The following ABCA12 variants were observed in gnomAD, a reference collection of about 807,000 sequenced individuals.
ABCA12 encodes glucosylceramide transporter ABCA12.
In ABCA12, 156 loss-of-function variants were observed where a neutral mutation model predicts 293.5. That is an observed-to-expected ratio of 0.53 (90% CI 0.47 to 0.61). The LOEUF is 0.61. ABCA12 is among the 20% of genes least tolerant of loss of function. ABCA12 has a pLI of 0.00. For missense variants in ABCA12, 2,797 were observed against 3,090.2 expected (o/e 0.91, Z 2.25); for synonymous variants, 1,063 against 1,108.0 (o/e 0.96, Z 0.81).
At chr2:214,947,368 T>C in intron 48 of ABCA12, 54 bp downstream of exon 48, 1 of 1,609,438 alleles carries the variant, frequency 6.2e-7, no homozygotes, top group Non-Finnish European at 8.5e-7. Context: ...ACACATGCAA[T>C]CAGATATGCT....
chr2:214,983,514 G>A (rs1318528391), intron 29 of ABCA12, 133 bp downstream of exon 29: 1 of 844,138 alleles, frequency 1.2e-6, no homozygotes, highest in Non-Finnish European at 2.0e-6. Flanking sequence ...TATTAAATAA[G>A]TAGAAAAACT....
At chr2:215,036,611 A>C (rs1258404525) in intron 8 of ABCA12, among the ~76,000 whole-genome samples, 1 of 152,202 alleles carries the variant, frequency 6.6e-6, no homozygotes, top group Admixed American at 6.5e-5. Context: ...AAAATACTGC[A>C]ATTCACTTTA....
Position 214,955,378 on chromosome 2 carries a change from C to T in ABCA12, c.6234-17G>A. 1.2e-6 allele frequency: 2 copies of T among 1,613,792 alleles called. No individual in the cohort carries two copies. The highest frequency in any genetic ancestry group is 1.1e-5 in the South Asian group (1 of 91,074). On this transcript the variant is annotated splice_polypyrimidine_tract_variant and intron_variant, in intron 42 of 52. Transcript: ENST00000272895. ...GTTGCATACCTGCAGGTTAAAAACA[C>T]AAAGAATTAAAATTACGCCTCGGCC... is the stretch of plus-strand genomic sequence containing the variant.
At chr2:215,030,438 C>CAA (rs59050296) in intron 9 of ABCA12, among the ~76,000 whole-genome samples, 27 of 113,634 alleles carry the variant, frequency 2.4e-4, no homozygotes, top group African/African-American at 5.3e-4. Flanking sequence ...ACTAACAATA[C>CAA]AAAAAAAAAA....
intron 51 of ABCA12, among the ~76,000 whole-genome samples, chr2:214,934,831 T>A (rs533120802): frequency 4.6e-5 from 7 of 152,304 alleles, no homozygotes; most frequent in Non-Finnish European, 8.8e-5. Context: ...TTACCAGATC[T>A]TATTTATTTT....
At chr2:215,124,121 A>T (rs1702869469) in intron 1 of ABCA12, among the ~76,000 whole-genome samples, 2 of 152,208 alleles carry the variant, frequency 1.3e-5, no homozygotes, top group Non-Finnish European at 2.9e-5. Flanking sequence ...ATGGCTGCGT[A>T]GTATTCCATC....
At chr2:214,991,147 T>C in intron 23 of ABCA12, 116 bp from the exon 24 acceptor site, 1 of 916,668 alleles carries the variant, frequency 1.1e-6, no homozygotes, top group African/African-American at 1.6e-5. Context: ...AACTAGGCAT[T>C]TTAATAATTT....
chr2:214,948,678 G>C lies in ABCA12; in HGVS notation c.7022C>G (p.Ala2341Gly). 2 of 1,613,992 alleles carry C rather than the reference G, an allele frequency of 1.2e-6. No individual in the cohort carries two copies. The highest frequency in any genetic ancestry group is 1.1e-5 in the South Asian group (1 of 91,074). Reference protein sequence around the residue: ...SLVGYCPQEDALDDLVTVEEH... With the variant: ...SLVGYCPQEDGLDDLVTVEEH... ...TTCCACAGTTACCAGGTCATCTAAG[G>C]CATCTTCCTGAGGACAGTAGCCAAC... The change falls in exon 47 of 53, where the codon GCC (alanine) becomes GGC (glycine). Residue 2341 changes from alanine to glycine, a missense_variant. Around this residue, in one of 3 missense-constraint regions of ABCA12, gnomAD observed 2,130 missense variants for 2,427.0 expected, o/e 0.88. Coordinates refer to ENST00000272895, the MANE Select transcript of ABCA12 (RefSeq NM_173076.3).
At chr2:215,131,277 G>C (rs183282488) in intron 1 of ABCA12, among the ~76,000 whole-genome samples, 94 of 151,596 alleles carry the variant, frequency 6.2e-4, no homozygotes, top group African/African-American at 2.2e-3. Context: ...CCTCCTCTTC[G>C]ATTTTTTTTT....
chr2:214,967,062 C>G (rs1699278516), intron 38 of ABCA12, 109 bp from the exon 39 acceptor site: 7 of 905,934 alleles, frequency 7.7e-6, no homozygotes, highest in Non-Finnish European at 1.1e-5. Flanking sequence ...CATCAATTTT[C>G]CAATAATTTA....
chr2:214,936,627 C>T (rs538297178), intron 51 of ABCA12, among the ~76,000 whole-genome samples: 1 of 152,282 alleles, frequency 6.6e-6, no homozygotes, highest in Admixed American at 6.5e-5. Flanking sequence ...ATGCATATAT[C>T]TGTGTGTGTC....
intron 23 of ABCA12, among the ~76,000 whole-genome samples, chr2:214,992,520 C>CG (rs1361592369): frequency 2.8e-4 from 18 of 63,654 alleles, no homozygotes; most frequent in African/African-American, 1.2e-3. Context: ...AGTATCCCCC[C>CG]CCTTTTTTTT....
intron 30 of ABCA12, 122 bp downstream of exon 30, chr2:214,982,065 G>T: frequency 2.1e-6 from 2 of 971,538 alleles, no homozygotes; most frequent in Non-Finnish European, 3.2e-6. Context: ...TCCTGTCTTG[G>T]CCTCCCAAAG....
intron 44 of ABCA12, among the ~76,000 whole-genome samples, chr2:214,952,977 C>T (rs1419570001): frequency 6.6e-6 from 1 of 151,986 alleles, no homozygotes; most frequent in Admixed American, 6.6e-5. Context: ...TAAATGGTAC[C>T]GAAGATGACA....
Position 215,138,425 on chromosome 2 carries a change from C to A in ABCA12, c.-217G>T. ...ACCAAGAGGCACTTCTCAATCAACT[C>A]TTCTTCCAAAAGAAGGACCCAGATC... On this transcript the variant is annotated 5_prime_UTR_variant, in exon 1 of 53. Coordinates refer to ENST00000272895, the MANE Select transcript of ABCA12 (RefSeq NM_173076.3). The A allele has an allele frequency of 1.7e-6, 1 of 587,894 alleles. No homozygotes were observed. The allele number at this position is 587,894 out of a possible 1,614,324, so 36.4% of individuals were successfully genotyped here.
Position 214,950,918 on chromosome 2 carries a change from T to C in ABCA12, c.6813A>G (p.Ile2271Met). 1 of 1,614,192 alleles carries C rather than the reference T, an allele frequency of 6.2e-7. No individual in the cohort carries two copies. The highest frequency in any genetic ancestry group is 1.1e-5 in the South Asian group (1 of 91,090). The change falls in exon 45 of 53, where the codon ATA (isoleucine) becomes ATG (methionine). Residue 2271 changes from isoleucine to methionine, a missense_variant. Physicochemically the swap from Ile to Met is conservative, Grantham distance 10 (BLOSUM62 1). Transcript: ENST00000272895. Reference protein sequence around the residue: ...KTYQLIHKKIIAVNNISIGIP... With the variant: ...KTYQLIHKKIMAVNNISIGIP... Reference sequence around the variant, plus strand: ...TCCCAATGCTGATGTTGTTTACAGCTATAATCTTTTTGTGGATAAGTTGGT... The same window carrying C: ...TCCCAATGCTGATGTTGTTTACAGCCATAATCTTTTTGTGGATAAGTTGGT...
chr2:214,932,763 A>T, intron 52 of ABCA12, 22 bp from the exon 53 acceptor site: 1 of 1,550,100 alleles, frequency 6.5e-7, no homozygotes, highest in Non-Finnish European at 8.9e-7. Context: ...GGGAAAATAA[A>T]GCCATTAATG....
In ABCA12 at chr2:215,012,046, A is replaced by G; in HGVS notation, c.2046T>C (p.Ser682=). ...RLKEILNQMA[S]GTHPLLDKMR... is the part of the protein sequence containing the mutation. The stretch of plus-strand genomic sequence containing the variant: ...TTTTGTCTAGCAGCGGATGTGTGCC[A>G]GAAGCCATCTGATTGAGAATCTCTT... Residue 682 remains serine (S), a synonymous_variant, in exon 16 of 53, where the codon TCT becomes TCC. Coordinates refer to ENST00000272895, the MANE Select transcript of ABCA12 (RefSeq NM_173076.3). 1 of 1,614,058 alleles carries G rather than the reference A, an allele frequency of 6.2e-7. No individual in the cohort carries two copies. Among genetic ancestry groups the G allele is most frequent in the Non-Finnish European group, 8.5e-7 (1 of 1,179,950 alleles).
chr2:215,104,570 A>G (rs775153005), intron 2 of ABCA12, among the ~76,000 whole-genome samples: 1 of 152,080 alleles, frequency 6.6e-6, no homozygotes, highest in Non-Finnish European at 1.5e-5. Context: ...TCAAATCCCA[A>G]TTTCAGTTTC....
Sources: allele counts gnomAD v4.1 joint callset (sites outside exome capture counted in the v4.1 genomes callset), GRCh38; gene constraint gnomAD v4.1.1; regional missense constraint gnomAD v4.1.1; transcripts MANE v1.5; gene names NCBI Gene and HGNC (gene_info 2026-07-23, HGNC 2026-07-21).